The following TMOD1 variants were observed in gnomAD, a reference collection of about 807,000 sequenced individuals.
TMOD1 encodes tropomodulin-1.
In TMOD1, 17 loss-of-function variants were observed where a neutral mutation model predicts 40.6. The observed-to-expected ratio is 0.42, with a 90% CI of 0.29 to 0.63. The LOEUF (loss-of-function observed/expected upper bound fraction) is 0.63, where lower values mean the gene tolerates loss of function less well. Ranked by LOEUF, TMOD1 falls within the 20% of genes least tolerant of loss-of-function variation. TMOD1 has a pLI of 0.22. For synonymous variants in TMOD1, 181 were observed against 175.0 expected (o/e 1.03, Z -0.27); for missense variants, 391 against 447.6 (o/e 0.87, Z 1.14).
intron 4 of TMOD1, among the ~76,000 whole-genome samples, chr9:97,561,914 C>T (rs1830646210): frequency 6.6e-6 from 1 of 152,170 alleles, no homozygotes; most frequent in Admixed American, 6.5e-5. Flanking sequence ...TTTATGCTGT[C>T]TTAGGACTGA....
chr9:97,580,134 A>T (rs1378501722), intron 8 of TMOD1, among the ~76,000 whole-genome samples: 3 of 152,210 alleles, frequency 2.0e-5, no homozygotes, highest in Non-Finnish European at 1.5e-5. Context: ...AGCTGAGATC[A>T]TGCAAGTGGG....
intron 5 of TMOD1, 45 bp from the exon 6 acceptor site, chr9:97,563,993 G>A (rs770729896): frequency 6.3e-7 from 1 of 1,590,412 alleles, no homozygotes; most frequent in East Asian, 2.3e-5. Flanking sequence ...CAGAAAGTGA[G>A]CCCCTTGTTT....
At chr9:97,583,375 T>C (rs1180638107) in intron 8 of TMOD1, among the ~76,000 whole-genome samples, 2 of 148,576 alleles carry the variant, frequency 1.3e-5, no homozygotes, top group African/African-American at 2.5e-5. Flanking sequence ...TGGATAAGCT[T>C]TTTGATGTGC....
At chr9:97,556,828 G>T (rs1830543980) in intron 4 of TMOD1, among the ~76,000 whole-genome samples, 2 of 152,192 alleles carry the variant, frequency 1.3e-5, no homozygotes, top group African/African-American at 4.8e-5. Context: ...CAGAAGAGTA[G>T]CAGTGAGAAA....
At chr9:97,526,323 C>A (rs1393362819) in intron 2 of TMOD1, among the ~76,000 whole-genome samples, 1 of 152,196 alleles carries the variant, frequency 6.6e-6, no homozygotes, top group Non-Finnish European at 1.5e-5. Flanking sequence ...TCCCTGCAGT[C>A]AGGGTACACA....
chr9:97,565,635 A>G (rs1830715338), intron 6 of TMOD1, among the ~76,000 whole-genome samples: 1 of 152,214 alleles, frequency 6.6e-6, no homozygotes, highest in East Asian at 1.9e-4. Context: ...TACAGGTCTT[A>G]TCTGAAATTT....
rs140950714 is a variant in TMOD1, at chr9:97,539,029, A to C, written c.121-7156A>C. Among the ~76,000 whole-genome samples the C allele has an allele frequency of 6.0e-3, 905 of 150,722 alleles. 17 individuals carry two copies. Among genetic ancestry groups the C allele is most frequent in the African/African-American group, 0.021 (862 of 41,342 alleles). On this transcript the variant is annotated intron_variant, in intron 2 of 9. Transcript: ENST00000259365. The stretch of plus-strand genomic sequence containing the variant: ...CAAAAACAAAACAAAACAAAACAAA[A>C]CAAACAAACAAACAAAACAGATCAA...
chr9:97,581,503 T>C (rs1825755386), intron 8 of TMOD1, among the ~76,000 whole-genome samples: 1 of 152,130 alleles, frequency 6.6e-6, no homozygotes, highest in Non-Finnish European at 1.5e-5. Flanking sequence ...CCTTTGGGTA[T>C]ATACCCAGTG....
At chr9:97,526,362 G>A (rs1455639154) in intron 2 of TMOD1, among the ~76,000 whole-genome samples, 1 of 152,216 alleles carries the variant, frequency 6.6e-6, no homozygotes, top group Non-Finnish European at 1.5e-5. Context: ...CTCTTTGGTT[G>A]TGTATGTGGT....
chr9:97,531,033 A>ACCCCCCCCCCCCCCCCCCC (rs202030181), intron 2 of TMOD1, among the ~76,000 whole-genome samples: 2 of 78,258 alleles, frequency 2.6e-5, no homozygotes, highest in Non-Finnish European at 4.8e-5. Flanking sequence ...GGTGATCCAC[A>ACCCCCCCCCCCCCCCCCCC]CCCACCCCCC....
At chr9:97,568,118 T>C (rs1830760216) in intron 7 of TMOD1, among the ~76,000 whole-genome samples, 1 of 152,176 alleles carries the variant, frequency 6.6e-6, no homozygotes, top group East Asian at 1.9e-4. Context: ...CAGGCTTCCC[T>C]CTTCTGCTCT....
Position 97,564,188 on chromosome 9 carries a change from C to A in TMOD1, c.618+20C>A. On this transcript the variant is annotated intron_variant, in intron 6 of 9. Coordinates refer to ENST00000259365, the MANE Select transcript of TMOD1 (RefSeq NM_003275.4). Reference sequence around the variant, plus strand: ...ATCCGGGTAAGGTCCATTTATTTCACTTTACCTGTGTGTGGCTGGGGGAGG... The same window carrying A: ...ATCCGGGTAAGGTCCATTTATTTCAATTTACCTGTGTGTGGCTGGGGGAGG... 1 of 1,569,410 alleles carries A rather than the reference C, an allele frequency of 6.4e-7. No homozygotes were observed. The highest frequency in any genetic ancestry group is 8.6e-7 in the Non-Finnish European group (1 of 1,156,356).
chr9:97,569,118 A>T (rs1351312921), intron 8 of TMOD1, 81 bp downstream of exon 8: 13 of 1,552,768 alleles, frequency 8.4e-6, no homozygotes, highest in African/African-American at 1.4e-5. Context: ...TGCTGGATGG[A>T]GCTGAGAATG....
At chr9:97,559,794 A>AAAAAT (rs1390791825) in intron 4 of TMOD1, among the ~76,000 whole-genome samples, 103 of 23,110 alleles carry the variant, frequency 4.5e-3, no homozygotes, top group Non-Finnish European at 5.7e-3. Context: ...AAAAAAAAAA[A>AAAAAT]ATATATATAT....
At position 97,600,490 on chromosome 9, in the gene TMOD1, A is replaced by C. The variant is rs1826232215; in HGVS notation, c.*792A>C. On this transcript the variant is annotated 3_prime_UTR_variant, in exon 10 of 10. Transcript: ENST00000259365. ...GAATGCCAACCTTATGATGGATGTG[A>C]AAATCTACGGCCAAATACTTTTGAA... is the stretch of plus-strand genomic sequence containing the variant. 3.1e-5 allele frequency: 31 copies of C among 985,664 alleles called. No individual in the cohort carries two copies. The highest frequency in any genetic ancestry group is 3.3e-5 in the Non-Finnish European group (27 of 830,112). The allele number at this position is 985,664 out of a possible 1,614,324, so 61.1% of individuals were successfully genotyped here. A position where few individuals can be genotyped will look rare whatever the true frequency, so the allele number is the denominator to read the frequency against.
In TMOD1 at chr9:97,582,256, A is replaced by C. The variant is rs1170334172; in HGVS notation, c.871-9035A>C. Among the ~76,000 whole-genome samples the C allele has an allele frequency of 2.7e-5, 4 of 146,686 alleles. No homozygotes were observed. In the East Asian group the frequency reaches 8.1e-4, roughly 30 times the overall value. Reference sequence around the variant, plus strand: ...TCCCAGCACCATTTATTAAATAGGGAATCCTTTCCCCATTGCTTGTTTTTC... The same window carrying C: ...TCCCAGCACCATTTATTAAATAGGGCATCCTTTCCCCATTGCTTGTTTTTC... On this transcript the variant is annotated intron_variant, in intron 8 of 9. Transcript: ENST00000259365.
At chr9:97,530,527 G>A (rs376110835) in intron 2 of TMOD1, among the ~76,000 whole-genome samples, 10 of 148,974 alleles carry the variant, frequency 6.7e-5, no homozygotes, top group Non-Finnish European at 1.0e-4. Context: ...TCGCTCTGTC[G>A]CCCAGGCTGG....
Position 97,598,622 on chromosome 9 carries a change from C to A in TMOD1, c.1016-1012C>A, listed in dbSNP as rs538589439. On this transcript the variant is annotated intron_variant, in intron 9 of 9. Transcript: ENST00000259365. ...GTTTTTGTCCCCTCACATCTACCCC[C>A]AAGAAGTTGGACATTCTGATCATCT... Among the ~76,000 whole-genome samples, 7 of 152,300 alleles carry A rather than the reference C, an allele frequency of 4.6e-5. No homozygotes were observed. In the South Asian group the frequency reaches 6.2e-4, roughly 14 times the overall value.
At chr9:97,581,465 G>T (rs1825754362) in intron 8 of TMOD1, among the ~76,000 whole-genome samples, 2 of 152,062 alleles carry the variant, frequency 1.3e-5, no homozygotes, top group South Asian at 4.2e-4. Flanking sequence ...ACGTGTGCAG[G>T]TGTCTTTATA....
Sources: allele counts gnomAD v4.1 joint callset (sites outside exome capture counted in the v4.1 genomes callset), GRCh38; gene constraint gnomAD v4.1.1; transcripts MANE v1.5; gene names NCBI Gene and HGNC (gene_info 2026-07-23, HGNC 2026-07-21).